AK8: variants seen among roughly 807,000 people sequenced by gnomAD.
AK8 encodes ATP-AMP transphosphorylase 8.
Under a neutral mutation model 54.6 loss-of-function variants are expected in AK8, and 44 were observed. The ratio of observed to expected loss-of-function variants is 0.81; its 90% CI spans 0.63 to 1.04. The LOEUF is 1.04. AK8 is among the 50% of genes least tolerant of loss of function. AK8 has a pLI of 0.00. For missense variants in AK8, 555 were observed against 613.6 expected, an observed-to-expected ratio of 0.90 and a Z score of 1.01; for synonymous variants, 239 against 245.6, an observed-to-expected ratio of 0.97 and a Z score of 0.25.
intron 10 of AK8, among the ~76,000 whole-genome samples, chr9:132,806,488 CG>C (rs1175634403): frequency 6.6e-6 from 1 of 151,948 alleles, no homozygotes; most frequent in Non-Finnish European, 1.5e-5. Context: ...TTGCTGGAAA[CG>C]GGCAGAGGGT....
chr9:132,790,296 G>A lies in AK8; in HGVS notation c.1121+2338C>T, dbSNP rs1266427224. 6.6e-6 allele frequency among the ~76,000 whole-genome samples: 1 copy of A among 151,900 alleles called. No homozygotes were observed. The highest frequency in any genetic ancestry group is 1.5e-5 in the Non-Finnish European group (1 of 67,990). ...GACGGAGTCTCACTCTGTCGCTCAG[G>A]CTGGAGCGCAGTGGCGTGATCTCAG... On this transcript the variant is annotated intron_variant, in intron 11 of 12. Coordinates refer to ENST00000298545, the MANE Select transcript of AK8 (RefSeq NM_152572.3). This position sits in a 1 kb window ranked among gnomAD's most constrained non-coding sequence, Gnocchi z 4.1.
At chr9:132,798,237 G>A (rs549094632) in intron 10 of AK8, among the ~76,000 whole-genome samples, 1 of 152,316 alleles carries the variant, frequency 6.6e-6, no homozygotes, top group East Asian at 1.9e-4. Flanking sequence ...TGCCTTTAGT[G>A]TAAATTCCCC....
At chr9:132,749,154 G>A (rs375035080) in intron 11 of AK8, among the ~76,000 whole-genome samples, 1 of 151,954 alleles carries the variant, frequency 6.6e-6, no homozygotes, top group Non-Finnish European at 1.5e-5. Context: ...GATTACCGGC[G>A]TGAGCCACTG....
intron 5 of AK8, among the ~76,000 whole-genome samples, chr9:132,829,432 CAT>C (rs1842017902): frequency 6.6e-6 from 1 of 152,136 alleles, no homozygotes. Flanking sequence ...TGTTCACTAT[CAT>C]AGATAATACC....
intron 10 of AK8, among the ~76,000 whole-genome samples, chr9:132,812,534 C>CACTGGGATGACGGGTGAGCCGCCGCGCCA: frequency 6.8e-6 from 1 of 147,268 alleles, no homozygotes; most frequent in Non-Finnish European, 1.5e-5. Flanking sequence ...CTACCGTGCC[C>CACTGGGATGACGGGTGAGCCGCCGCGCCA]ACTGGGATGA....
At chr9:132,838,662 G>A (rs1297647075) in intron 5 of AK8, among the ~76,000 whole-genome samples, 3 of 152,214 alleles carry the variant, frequency 2.0e-5, no homozygotes, top group Admixed American at 1.3e-4. Flanking sequence ...TCTAGGTAAT[G>A]TATTTATCCC....
intron 11 of AK8, among the ~76,000 whole-genome samples, chr9:132,792,080 A>G (rs1839969777): frequency 6.6e-6 from 1 of 152,184 alleles, no homozygotes; most frequent in African/African-American, 2.4e-5. Flanking sequence ...ACCCCTTGCT[A>G]TTGCAAGCTC....
At chr9:132,789,488 T>C (rs1186191071) in intron 11 of AK8, among the ~76,000 whole-genome samples, 1 of 145,666 alleles carries the variant, frequency 6.9e-6, no homozygotes, top group Admixed American at 7.0e-5. Flanking sequence ...TCCCAGCTAC[T>C]CAGGAGGAGG....
In AK8 at chr9:132,826,856, T is replaced by G. The variant is rs1340737830; in HGVS notation, c.755A>C (p.Gln252Pro). Residue 252 changes from glutamine to proline, a missense_variant and splice_region_variant, in exon 8 of 13, where the codon CAG becomes CCG. Transcript: ENST00000298545. This position sits in a 1 kb window ranked among gnomAD's most constrained non-coding sequence, Gnocchi z 4.5. ...ADQPCVDVFY[Q>P]ALTYVQSNHR... ...TGGGGCTGCCTGCTTGTGTTTACCC[T>G]GGTAGAAGACGTCCACACATGGCTG... 6.2e-7 allele frequency: 1 copy of G among 1,614,226 alleles called. No homozygotes were observed. The highest frequency in any genetic ancestry group is 8.5e-7 in the Non-Finnish European group (1 of 1,180,010).
intron 11 of AK8, among the ~76,000 whole-genome samples, chr9:132,740,155 C>T (rs11243896): frequency 0.067 from 10,171 of 152,310 alleles, 489 homozygotes; most frequent in Non-Finnish European, 0.1. Context: ...CCCCCTAAGG[C>T]GGAGCACGGA....
At chr9:132,859,996 T>G (rs1296003397) in intron 4 of AK8, among the ~76,000 whole-genome samples, 4 of 152,134 alleles carry the variant, frequency 2.6e-5, no homozygotes, top group African/African-American at 7.2e-5. Context: ...GACATTCATT[T>G]CGATGGCTCT....
intron 9 of AK8, 81 bp downstream of exon 9, chr9:132,823,124 A>C (rs1021136537): frequency 4.1e-6 from 6 of 1,467,058 alleles, no homozygotes; most frequent in Admixed American, 2.5e-5. Flanking sequence ...ACCACCCCCC[A>C]TAAAATGAGA....
intron 11 of AK8, among the ~76,000 whole-genome samples, chr9:132,763,262 GA>G (rs1838570259): frequency 6.6e-6 from 1 of 152,188 alleles, no homozygotes; most frequent in Admixed American, 6.5e-5. Flanking sequence ...TACCTTTTGT[GA>G]CCACAATGGC....
intron 3 of AK8, among the ~76,000 whole-genome samples, 190 bp downstream of exon 3, chr9:132,866,714 C>A (rs1843613665): frequency 6.6e-6 from 1 of 152,142 alleles, no homozygotes. Context: ...TCAGGGAATT[C>A]TATTTTTGGT....
intron 5 of AK8, among the ~76,000 whole-genome samples, chr9:132,836,352 A>C (rs1192489861): frequency 2.0e-5 from 3 of 152,186 alleles, no homozygotes; most frequent in African/African-American, 7.2e-5. Context: ...AAAGTTAACT[A>C]GTTTTATCAT....
At position 132,870,637 on chromosome 9, in the gene AK8, C is replaced by A. The variant is rs541851937; in HGVS notation, c.170-3684G>T. 2.0e-5 allele frequency among the ~76,000 whole-genome samples: 3 copies of A among 152,370 alleles called. No homozygotes were observed. The South Asian group carries it at 6.2e-4, about 32-fold the overall frequency. On this transcript the variant is annotated intron_variant, in intron 2 of 12. Coordinates refer to ENST00000298545, the MANE Select transcript of AK8 (RefSeq NM_152572.3). ...GCGAAGGGGCTGCCAGCCCAAGTGC[C>A]GGGGCTCCCTCTGCTCCCTCGTGTG...
chr9:132,822,337 A>C (rs805053), intron 9 of AK8, among the ~76,000 whole-genome samples: 32,073 of 147,852 alleles, frequency 0.22, 4,601 homozygotes, highest in Non-Finnish European at 0.3. Context: ...ACAAATATAC[A>C]TACAAATGTA....
intron 9 of AK8, among the ~76,000 whole-genome samples, chr9:132,816,132 T>A (rs374309229): frequency 4.0e-4 from 61 of 152,122 alleles, no homozygotes; most frequent in African/African-American, 1.3e-3. Flanking sequence ...GGCGGGAGGA[T>A]CATTTGAGGT....
intron 11 of AK8, among the ~76,000 whole-genome samples, chr9:132,732,099 C>T (rs918913837): frequency 6.6e-6 from 1 of 152,068 alleles, no homozygotes; most frequent in Non-Finnish European, 1.5e-5. Flanking sequence ...TTATTATGGC[C>T]AATTTTATTG....
Sources: allele counts gnomAD v4.1 joint callset (sites outside exome capture counted in the v4.1 genomes callset), GRCh38; gene constraint gnomAD v4.1.1; non-coding constraint Gnocchi (gnomAD v3.1); transcripts MANE v1.5; gene names NCBI Gene and HGNC (gene_info 2026-07-23, HGNC 2026-07-21).